The following GSE1 variants were observed in gnomAD, a reference collection of about 807,000 sequenced individuals.
The protein encoded by GSE1 is genetic suppressor element 1.
GSE1 carries 32 observed loss-of-function variants against 112.6 expected under a neutral mutation model. The ratio of observed to expected loss-of-function variants is 0.28; its 90% CI spans 0.21 to 0.38. GSE1 has a LOEUF of 0.38. Ranked by LOEUF, GSE1 falls within the 10% of genes least tolerant of loss-of-function variation. The pLI is 1.00. For missense variants in GSE1, 2,348 were observed against 1,699.2 expected (o/e 1.38, Z -6.71); for synonymous variants, 1,115 against 735.6 (o/e 1.52, Z -8.35).
intron 1 of GSE1, among the ~76,000 whole-genome samples, chr16:85,266,091 C>A (rs886169252): frequency 6.6e-6 from 1 of 152,290 alleles, no homozygotes. Flanking sequence ...CATGGGAAGG[C>A]CGTTCCAAGG....
At chr16:85,241,116 C>G (rs1405286400) in intron 1 of GSE1, among the ~76,000 whole-genome samples, 1 of 152,222 alleles carries the variant, frequency 6.6e-6, no homozygotes, top group South Asian at 2.1e-4. Context: ...CTGAGACAGA[C>G]CTGAGCTTGA....
chr16:85,487,285 C>A (rs1048622161), intron 2 of GSE1, among the ~76,000 whole-genome samples: 6 of 152,170 alleles, frequency 3.9e-5, no homozygotes. Context: ...CACAGCCTTG[C>A]GTCTCCTCCC....
chr16:85,665,852 G>C, intron 12 of GSE1, 124 bp from the exon 13 acceptor site: 2 of 872,880 alleles, frequency 2.3e-6, no homozygotes, highest in Non-Finnish European at 3.7e-6. Context: ...AATGTTCCCC[G>C]GGTCTTGGTT....
chr16:85,618,821 C>T (rs2048542011), intron 1 of GSE1, among the ~76,000 whole-genome samples: 2 of 152,218 alleles, frequency 1.3e-5, no homozygotes, highest in African/African-American at 4.8e-5. Flanking sequence ...CGACACCTGG[C>T]TAATTTTAAA....
rs141886981 is a variant in GSE1, at chr16:85,424,113, G to A, written c.2464+66470G>A. On this transcript the variant is annotated intron_variant, in intron 2 of 2. Transcript: ENST00000637419. Reference sequence around the variant, plus strand: ...GTGTGTTCAGAAGAAGAGTGTTCTGGGGTCTCTTGAAGGAACCAGAAAGAA... The same window carrying A: ...GTGTGTTCAGAAGAAGAGTGTTCTGAGGTCTCTTGAAGGAACCAGAAAGAA... Among the ~76,000 whole-genome samples the A allele has an allele frequency of 3.6e-3, 545 of 152,338 alleles. 2 individuals carry two copies. The highest frequency in any genetic ancestry group is 0.012 in the African/African-American group (519 of 41,566).
chr16:85,393,415 C>T (rs541542379), intron 2 of GSE1, among the ~76,000 whole-genome samples: 6 of 152,336 alleles, frequency 3.9e-5, no homozygotes, highest in Non-Finnish European at 7.3e-5. Flanking sequence ...ATGCACCATC[C>T]CCTTGAATCC....
rs2053523276 is a variant in GSE1 at position 85,673,743 on chromosome 16, A to AG, written c.*1206dup. On this transcript the variant is annotated 3_prime_UTR_variant, in exon 16 of 16. Transcript: ENST00000253458. ...AAATATTACCCATTGCTATCAAGGGAGGAGGGGGTAGTCTGTAGAACCCAT... is the reference window on the plus strand; with the variant it reads ...AAATATTACCCATTGCTATCAAGGGAGGGAGGGGGTAGTCTGTAGAACCCAT... 6.6e-6 allele frequency: 1 copy of AG among 152,126 alleles called. No individual in the cohort carries two copies. Among genetic ancestry groups the AG allele is most frequent in the African/African-American group, 2.4e-5 (1 of 41,402 alleles). The allele number at this position is 152,126 out of a possible 1,614,324, so 9.4% of individuals were successfully genotyped here.
chr16:85,426,432 G>C (rs2048990467), intron 2 of GSE1, among the ~76,000 whole-genome samples: 1 of 95,230 alleles, frequency 1.1e-5, no homozygotes, highest in Admixed American at 1.0e-4. Flanking sequence ...ATGGATGAAT[G>C]GGTGGGTGGA....
intron 2 of GSE1, among the ~76,000 whole-genome samples, chr16:85,448,107 C>T (rs778913057): frequency 2.0e-5 from 3 of 152,200 alleles, no homozygotes; most frequent in Non-Finnish European, 4.4e-5. Flanking sequence ...GCTCTGGGCT[C>T]CTCCGCCTGC....
At chr16:85,336,340 C>G (rs1215267888) in intron 1 of GSE1, among the ~76,000 whole-genome samples, 1 of 152,212 alleles carries the variant, frequency 6.6e-6, no homozygotes, top group Non-Finnish European at 1.5e-5. Flanking sequence ...AGGGGATGGC[C>G]CAGACTTTGC....
At chr16:85,626,004 G>A (rs965063107) in intron 1 of GSE1, among the ~76,000 whole-genome samples, 1 of 152,130 alleles carries the variant, frequency 6.6e-6, no homozygotes, top group Non-Finnish European at 1.5e-5. Context: ...TTCCAGGTCA[G>A]GATCCTGGCC....
intron 2 of GSE1, among the ~76,000 whole-genome samples, chr16:85,461,062 C>A (rs1567505234): frequency 6.6e-6 from 1 of 152,204 alleles, no homozygotes; most frequent in South Asian, 2.1e-4. Context: ...CCTCTCTCCC[C>A]ACACCCTTAG....
intron 1 of GSE1, among the ~76,000 whole-genome samples, chr16:85,228,212 C>T (rs1395141410): frequency 6.6e-6 from 1 of 152,232 alleles, no homozygotes; most frequent in African/African-American, 2.4e-5. Context: ...CGCAGTGAAA[C>T]ATGAGTCAAG....
chr16:85,205,064 A>T lies in GSE1; in HGVS notation c.2283+33257A>T, dbSNP rs534206541. 8.9e-4 allele frequency among the ~76,000 whole-genome samples: 81 copies of T among 90,950 alleles called. No homozygotes were observed. In the South Asian group the frequency reaches 0.025, roughly 28 times the overall value. The allele number at this position is 90,950 out of a possible 152,430, so 59.7% of individuals were successfully genotyped here. A position where few individuals can be genotyped will look rare whatever the true frequency, so the allele number is the denominator to read the frequency against. ...GTACACGTACGTCTTGGCTCACTGG[A>T]TCTCCCCGCAGCCCCTGAAGAGGTG... On this transcript the variant is annotated intron_variant, in intron 1 of 2. Coordinates refer to the GSE1 transcript ENST00000637419.
chr16:85,662,782 T>C, intron 9 of GSE1, 199 bp from the exon 10 acceptor site: 1 of 549,790 alleles, frequency 1.8e-6, no homozygotes, highest in African/African-American at 1.9e-5. Context: ...CAGGGAAGCC[T>C]GGTGTCTGCG....
chr16:85,571,115 C>G (rs975313136), intron 1 of GSE1, among the ~76,000 whole-genome samples: 1 of 152,156 alleles, frequency 6.6e-6, no homozygotes, highest in African/African-American at 2.4e-5. Flanking sequence ...AGGGGAGGTT[C>G]GGATTCAGCG....
exon 1 of GSE1, chr16:85,171,464 G>T: frequency 2.0e-6 from 2 of 985,572 alleles, no homozygotes; most frequent in Non-Finnish European, 2.4e-6. Flanking sequence ...GTGGCTACCT[G>T]TGTGCTCTGC....
At chr16:85,308,631 C>G (rs2045745162) in intron 1 of GSE1, among the ~76,000 whole-genome samples, 1 of 152,100 alleles carries the variant, frequency 6.6e-6, no homozygotes, top group African/African-American at 2.4e-5. Flanking sequence ...ACAGGGAAGC[C>G]TGGCTTTATG....
intron 1 of GSE1, among the ~76,000 whole-genome samples, chr16:85,190,372 A>G (rs1231234601): frequency 2.0e-5 from 3 of 152,240 alleles, no homozygotes; most frequent in Non-Finnish European, 4.4e-5. Context: ...TGTTATTTGG[A>G]GCATATGCAT....
Sources: gnomAD v4.1 joint callset for allele counts (sites outside exome capture counted in the v4.1 genomes callset) on GRCh38, gnomAD v4.1.1 for gene constraint, MANE v1.5 for transcripts, NCBI Gene and HGNC (gene_info 2026-07-23, HGNC 2026-07-21) for gene names.